Variants in MINDY3 observed in about 807,000 individuals in gnomAD.
The protein encoded by MINDY3 is MINDY lysine 48 deubiquitinase 3.
Under a neutral mutation model 69.2 loss-of-function variants are expected in MINDY3, and 38 were observed. That is an observed-to-expected ratio of 0.55 (90% CI 0.42 to 0.72). MINDY3 has a LOEUF of 0.72. MINDY3 is among the 30% of genes least tolerant of loss of function. MINDY3 has a pLI of 0.00. For missense variants in MINDY3, 522 were observed against 519.0 expected, an observed-to-expected ratio of 1.01 and a Z score of -0.06; for synonymous variants, 192 against 180.1, an observed-to-expected ratio of 1.07 and a Z score of -0.53.
chr10:15,850,309 C>T (rs1834190388), intron 1 of MINDY3, among the ~76,000 whole-genome samples: 1 of 152,090 alleles, frequency 6.6e-6, no homozygotes, highest in Admixed American at 6.5e-5. Context: ...ATTTGGGCAC[C>T]CAAAAGCAAC....
At chr10:15,837,549 G>T in intron 5 of MINDY3, 1 of 1,418,626 alleles carries the variant, frequency 7.0e-7, no homozygotes, top group Non-Finnish European at 9.4e-7. Context: ...TACTTGGCAG[G>T]GAACCTCTTC....
chr10:15,847,893 C>T lies in MINDY3; in HGVS notation c.145G>A (p.Gly49Ser), dbSNP rs764304591. ...EGSALEQFEGGPCAVIAPVQA... is the reference protein window; with the variant it reads ...EGSALEQFEGSPCAVIAPVQA... The stretch of plus-strand genomic sequence containing the variant: ...ACAGGTGCAATAACAGCACAGGGGC[C>T]ACCTTCAAACTGTTCTAATGCAGAT... The change falls in exon 2 of 15, where the codon GGC becomes AGC. Residue 49 changes from glycine to serine, a missense_variant. Gly to Ser is a moderately conservative substitution (Grantham distance 56). Coordinates refer to ENST00000277632, the MANE Select transcript of MINDY3 (RefSeq NM_024948.4). The T allele has an allele frequency of 6.2e-7, 1 of 1,613,978 alleles. No individual in the cohort carries two copies. The highest frequency in any genetic ancestry group is 8.5e-7 in the Non-Finnish European group (1 of 1,179,942).
intron 9 of MINDY3, among the ~76,000 whole-genome samples, chr10:15,820,223 C>T (rs1182245041): frequency 6.6e-6 from 1 of 152,166 alleles, no homozygotes. Flanking sequence ...AGCCATCCAT[C>T]TCAAGAGCTG....
chr10:15,787,558 A>C (rs1180996287), intron 12 of MINDY3, among the ~76,000 whole-genome samples: 1 of 152,096 alleles, frequency 6.6e-6, no homozygotes, highest in Non-Finnish European at 1.5e-5. Flanking sequence ...GTCAGTTACC[A>C]GGTGTGCCTT....
intron 2 of MINDY3, among the ~76,000 whole-genome samples, chr10:15,846,535 A>C (rs1476187850): frequency 2.6e-5 from 4 of 152,158 alleles, no homozygotes. Flanking sequence ...CTCATTTTAA[A>C]AAAATTCTCC....
chr10:15,847,848 A>G lies in MINDY3; in HGVS notation c.174+16T>C, dbSNP rs1306094992. The G allele has an allele frequency of 6.2e-6, 10 of 1,600,762 alleles. No homozygotes were observed. The highest frequency in any genetic ancestry group is 7.7e-6 in the Non-Finnish European group (9 of 1,168,014). On this transcript the variant is annotated intron_variant, in intron 2 of 14. Coordinates refer to ENST00000277632, the MANE Select transcript of MINDY3 (RefSeq NM_024948.4). The stretch of plus-strand genomic sequence containing the variant: ...AAAATGTCCCTCTAAGGAGTTGGTA[A>G]AGGAGTCTATGTTACCTGAACAGGT...
chr10:15,859,134 TAAC>T (rs1834903810), intron 1 of MINDY3, among the ~76,000 whole-genome samples: 1 of 152,142 alleles, frequency 6.6e-6, no homozygotes, highest in African/African-American at 2.4e-5. Context: ...TATCCCAACT[TAAC>T]AATACATCGT....
At chr10:15,857,703 C>G (rs919146726) in intron 1 of MINDY3, among the ~76,000 whole-genome samples, 1 of 152,080 alleles carries the variant, frequency 6.6e-6, no homozygotes, top group African/African-American at 2.4e-5. Context: ...AAAAACACCC[C>G]GCATTTTTTA....
At chr10:15,838,202 A>G (rs1468051952) in intron 5 of MINDY3, 26 bp downstream of exon 5, 1 of 1,593,404 alleles carries the variant, frequency 6.3e-7, no homozygotes, top group Non-Finnish European at 8.5e-7. Context: ...CAGAGTAAGT[A>G]TTTTAAATGT....
chr10:15,838,122 G>A, intron 5 of MINDY3, 106 bp downstream of exon 5: 1 of 1,324,166 alleles, frequency 7.6e-7, no homozygotes, highest in Non-Finnish European at 9.7e-7. Context: ...TTATGTTTAA[G>A]TAGCGCATTT....
At chr10:15,788,526 TA>T (rs1271624535) in intron 12 of MINDY3, among the ~76,000 whole-genome samples, 2 of 152,122 alleles carry the variant, frequency 1.3e-5, no homozygotes. Flanking sequence ...TTTGCATTCT[TA>T]GAAAAACTTG....
rs188643785 is a variant in MINDY3 at position 15,847,498 on chromosome 10, T to G, written c.174+366A>C. ...ACCTTCAGCTTTAGGAAAGTAACTT[T>G]TACAGACTGAAATAATGAAAATAGT... On this transcript the variant is annotated intron_variant, in intron 2 of 14. Transcript: ENST00000277632. Among the ~76,000 whole-genome samples, 317 of 152,272 alleles carry G rather than the reference T, an allele frequency of 2.1e-3. 1 individual carries two copies. Among genetic ancestry groups the G allele is most frequent in the African/African-American group, 6.4e-3 (264 of 41,560 alleles).
At chr10:15,815,688 G>T (rs183697756) in intron 10 of MINDY3, among the ~76,000 whole-genome samples, 1 of 152,188 alleles carries the variant, frequency 6.6e-6, no homozygotes, top group Admixed American at 6.5e-5. Flanking sequence ...TGATGATGAC[G>T]ATGACCACAG....
At chr10:15,790,640 T>A (rs981991033) in intron 11 of MINDY3, among the ~76,000 whole-genome samples, 1 of 152,140 alleles carries the variant, frequency 6.6e-6, no homozygotes, top group Non-Finnish European at 1.5e-5. Flanking sequence ...ATAGGCTATA[T>A]CCATTTGATA....
At chr10:15,822,170 C>G (rs1839811880) in intron 8 of MINDY3, among the ~76,000 whole-genome samples, 1 of 152,134 alleles carries the variant, frequency 6.6e-6, no homozygotes, top group African/African-American at 2.4e-5. Context: ...CTCCACTTGC[C>G]TAATACTTAA....
intron 13 of MINDY3, among the ~76,000 whole-genome samples, chr10:15,783,593 A>G (rs919171161): frequency 6.6e-6 from 1 of 152,184 alleles, no homozygotes; most frequent in African/African-American, 2.4e-5. Flanking sequence ...CCTTTATCAT[A>G]ACAATTGTCT....
intron 10 of MINDY3, among the ~76,000 whole-genome samples, chr10:15,797,949 T>G (rs2131890283): frequency 6.6e-6 from 1 of 152,280 alleles, no homozygotes. Context: ...CTGTTGAAAT[T>G]TATAGATGAA....
At chr10:15,797,303 AAGCAACTTAAAAACCACTTGACATTTTTT>A (rs1837910518) in intron 10 of MINDY3, among the ~76,000 whole-genome samples, 1 of 152,102 alleles carries the variant, frequency 6.6e-6, no homozygotes, top group Non-Finnish European at 1.5e-5. Flanking sequence ...GTAAAAGGTA[AAGCAACTTAAAAACCACTTGACATTTTTT>A]AACATTTGTA....
At chr10:15,827,328 G>T (rs1048534074) in intron 8 of MINDY3, among the ~76,000 whole-genome samples, 1 of 151,950 alleles carries the variant, frequency 6.6e-6, no homozygotes, top group African/African-American at 2.4e-5. Flanking sequence ...GATCACCTGA[G>T]GTTGGGAGTT....
Sources: allele counts gnomAD v4.1 joint callset (sites outside exome capture counted in the v4.1 genomes callset), GRCh38; gene constraint gnomAD v4.1.1; transcripts MANE v1.5; gene names NCBI Gene and HGNC (gene_info 2026-07-23, HGNC 2026-07-21).